The following MEGF11 variants were observed in gnomAD, a reference collection of about 807,000 sequenced individuals.
MEGF11 encodes multiple EGF like domains 11.
MEGF11 carries 126 observed loss-of-function variants against 146.6 expected under a neutral mutation model. That is an observed-to-expected ratio of 0.86 (90% CI 0.74 to 1.00). MEGF11 has a LOEUF of 1.00. Ranked by LOEUF, MEGF11 falls within the 50% of genes least tolerant of loss-of-function variation. The pLI is 0.00. For missense variants in MEGF11, 1,509 were observed against 1,521.2 expected, an observed-to-expected ratio of 0.99 and a Z score of 0.13; for synonymous variants, 532 against 583.4, an observed-to-expected ratio of 0.91 and a Z score of 1.27.
intron 11 of MEGF11, among the ~76,000 whole-genome samples, chr15:65,930,377 T>G (rs2079532229): frequency 2.0e-5 from 3 of 152,040 alleles, no homozygotes. Context: ...GCCCACAGAC[T>G]GGAGAGCGGG....
chr15:66,148,840 G>A (rs1266496950), intron 1 of MEGF11, among the ~76,000 whole-genome samples: 1 of 152,234 alleles, frequency 6.6e-6, no homozygotes, highest in Non-Finnish European at 1.5e-5. Context: ...GGCTGCTTAA[G>A]GCAGGAACCG....
intron 4 of MEGF11, among the ~76,000 whole-genome samples, chr15:66,105,568 G>T (rs1187229687): frequency 2.0e-5 from 3 of 152,196 alleles, no homozygotes; most frequent in Non-Finnish European, 4.4e-5. Context: ...GCAACAAAAG[G>T]TCTGTCTGGT....
chr15:65,952,660 G>A (rs938252196), intron 10 of MEGF11, among the ~76,000 whole-genome samples: 4 of 152,162 alleles, frequency 2.6e-5, no homozygotes, highest in South Asian at 2.1e-4. Context: ...AAACGATGCC[G>A]TTTCCACTTG....
rs556197459 is a variant in MEGF11, at chr15:66,061,645, T to C, written c.394+32757A>G. On this transcript the variant is annotated intron_variant, in intron 5 of 25. Coordinates refer to ENST00000395614, the MANE Select transcript of MEGF11 (RefSeq NM_001385028.1). ...CTAGAACCTCTTTTTTTGAGCCTTTTTTTTTTTTGAGGCAGGGTCTTGCTC... is the reference window on the plus strand; with the variant it reads ...CTAGAACCTCTTTTTTTGAGCCTTTCTTTTTTTTGAGGCAGGGTCTTGCTC... 3.2e-3 allele frequency among the ~76,000 whole-genome samples: 488 copies of C among 150,828 alleles called. 8 individuals carry two copies. The highest frequency in any genetic ancestry group is 0.011 in the African/African-American group (471 of 41,104).
chr15:65,916,158 G>A lies in MEGF11; in HGVS notation c.2334C>T (p.His778=), dbSNP rs775790898. ...GTCAGGGCAGCTTACTCTGCTCACA[G>A]TGTTGCCCGGTGAAGCCTGTGCGGC... ...CTCRTGFTGQ[H]CEQRCAPGTF... The change falls in exon 18 of 26, where the codon CAC becomes CAT. Residue 778 remains histidine (H), a synonymous_variant. Coordinates refer to ENST00000395614, the MANE Select transcript of MEGF11 (RefSeq NM_001385028.1). 2 of 1,589,754 alleles carry A rather than the reference G, an allele frequency of 1.3e-6. No homozygotes were observed. Among genetic ancestry groups the A allele is most frequent in the Non-Finnish European group, 1.7e-6 (2 of 1,167,744 alleles).
chr15:66,158,271 G>A (rs1359168293), intron 1 of MEGF11, among the ~76,000 whole-genome samples: 1 of 152,248 alleles, frequency 6.6e-6, no homozygotes, highest in African/African-American at 2.4e-5. Flanking sequence ...TGTGTGCAGA[G>A]TGGACAGTCA....
chr15:66,109,242 G>T (rs2087258117), intron 4 of MEGF11, among the ~76,000 whole-genome samples: 1 of 151,868 alleles, frequency 6.6e-6, no homozygotes, highest in African/African-American at 2.4e-5. Context: ...CACCTTCACT[G>T]GTGGTCCATG....
chr15:65,958,077 A>G (rs1013793236), intron 9 of MEGF11, among the ~76,000 whole-genome samples: 1 of 152,214 alleles, frequency 6.6e-6, no homozygotes. Flanking sequence ...CTTATAGACT[A>G]TGCAGTCCAA....
chr15:65,904,383 A>G (rs181045628), intron 24 of MEGF11, among the ~76,000 whole-genome samples: 3 of 152,296 alleles, frequency 2.0e-5, no homozygotes, highest in Admixed American at 2.0e-4. Context: ...AAAATTGCCA[A>G]AATAATGCTT....
chr15:66,172,629 G>C (rs2090292447), intron 1 of MEGF11, among the ~76,000 whole-genome samples: 1 of 152,126 alleles, frequency 6.6e-6, no homozygotes. Context: ...GGCCCCAGCA[G>C]TCCCACTGTC....
At chr15:66,052,070 C>T (rs112014568) in intron 5 of MEGF11, among the ~76,000 whole-genome samples, 2,903 of 152,298 alleles carry the variant, frequency 0.019, 50 homozygotes, top group Non-Finnish European at 0.028. Flanking sequence ...GCAACAGAGG[C>T]GCACAGGTGA....
chr15:66,160,387 A>G (rs774969986), intron 1 of MEGF11, among the ~76,000 whole-genome samples: 6 of 152,214 alleles, frequency 3.9e-5, no homozygotes, highest in Non-Finnish European at 8.8e-5. Context: ...CAAAGGAGAT[A>G]AAAGGCCTAG....
At chr15:66,095,135 C>G (rs947388174) in intron 4 of MEGF11, among the ~76,000 whole-genome samples, 2 of 152,234 alleles carry the variant, frequency 1.3e-5, no homozygotes, top group Non-Finnish European at 2.9e-5. Context: ...TTTCTTATCA[C>G]GCAGTTGAAT....
chr15:66,042,338 G>A (rs923766275), intron 5 of MEGF11, among the ~76,000 whole-genome samples: 1 of 152,030 alleles, frequency 6.6e-6, no homozygotes, highest in Admixed American at 6.6e-5. Context: ...TCGAACTCCT[G>A]GCCTCAAGTG....
intron 5 of MEGF11, among the ~76,000 whole-genome samples, chr15:66,012,818 C>T (rs577056140): frequency 2.0e-3 from 299 of 152,336 alleles, no homozygotes; most frequent in African/African-American, 6.8e-3. Context: ...CCCCTAGGAG[C>T]CCTGGGGAGG....
At chr15:66,183,525 AC>A (rs1201027716) in intron 1 of MEGF11, among the ~76,000 whole-genome samples, 1 of 122,602 alleles carries the variant, frequency 8.2e-6, no homozygotes, top group African/African-American at 3.2e-5. Flanking sequence ...TGCCACCCAC[AC>A]CCCCCTGCCA....
At chr15:66,126,182 T>G (rs565317868) in intron 2 of MEGF11, among the ~76,000 whole-genome samples, 2 of 152,212 alleles carry the variant, frequency 1.3e-5, no homozygotes, top group African/African-American at 4.8e-5. Flanking sequence ...AGCTGAGAAA[T>G]TCTCCCTAAG....
At chr15:66,198,715 A>G (rs2091073468) in intron 1 of MEGF11, among the ~76,000 whole-genome samples, 1 of 151,874 alleles carries the variant, frequency 6.6e-6, no homozygotes, top group African/African-American at 2.4e-5. Flanking sequence ...CAAACTCCTG[A>G]CCTCAAATGA....
chr15:66,070,645 T>C (rs1292962151), intron 5 of MEGF11, among the ~76,000 whole-genome samples: 15 of 152,220 alleles, frequency 9.9e-5, no homozygotes, highest in Admixed American at 9.8e-4. Context: ...AAGGTGAACG[T>C]CATCTTACGC....
Sources: gnomAD v4.1 joint callset for allele counts (sites outside exome capture counted in the v4.1 genomes callset) on GRCh38, gnomAD v4.1.1 for gene constraint, MANE v1.5 for transcripts, NCBI Gene and HGNC (gene_info 2026-07-23, HGNC 2026-07-21) for gene names.